FHAD1: variants seen among roughly 807,000 people sequenced by gnomAD.
FHAD1 encodes forkhead-associated domain-containing protein 1.
A neutral mutation model predicts 191.3 loss-of-function variants in FHAD1; 146 were observed. That is an observed-to-expected ratio of 0.76 (90% CI 0.67 to 0.88). FHAD1 has a LOEUF of 0.88. Ranked by LOEUF, FHAD1 falls within the 40% of genes least tolerant of loss-of-function variation. The pLI is 0.00. For synonymous variants in FHAD1, 616 were observed against 672.3 expected (o/e 0.92, Z 1.29); for missense variants, 1,635 against 1,785.8 (o/e 0.92, Z 1.52).
intron 19 of FHAD1, among the ~76,000 whole-genome samples, chr1:15,350,471 C>T (rs1332555223): frequency 6.6e-6 from 1 of 152,142 alleles, no homozygotes; most frequent in African/African-American, 2.4e-5. Context: ...AGGAGGTAGA[C>T]GGGGGAGACT....
chr1:15,246,288 G>T (rs1490816857), upstream of FHAD1, among the ~76,000 whole-genome samples: 1 of 152,176 alleles, frequency 6.6e-6, no homozygotes, highest in African/African-American at 2.4e-5. Context: ...AACACGTGGG[G>T]AGTGCAATTC....
At position 15,382,186 on chromosome 1, in the gene FHAD1, A is replaced by T. The variant is rs1241401113; in HGVS notation, c.4181A>T (p.Gln1394Leu). ...AAGAGGATCAACAGGGCCATCCGGC[A>T]GCAGAAGGTGAGGCGCTGCTGCCCA... The part of the protein sequence containing the change: ...QEKRINRAIR[Q>L]QKESVEEHEL... Residue 1394 changes from glutamine (Q) to leucine (L), a missense_variant, in exon 31 of 34, where the codon CAG (glutamine) becomes CTG (leucine). Coordinates refer to ENST00000688493, the MANE Select transcript of FHAD1 (RefSeq NM_001391957.1). The T allele has an allele frequency of 6.4e-7, 1 of 1,551,048 alleles. No individual in the cohort carries two copies. Among genetic ancestry groups the T allele is most frequent in the Non-Finnish European group, 8.7e-7 (1 of 1,146,982 alleles).
chr1:15,328,935 T>C (rs983287860), intron 13 of FHAD1: 1 of 162,618 alleles, frequency 6.1e-6, no homozygotes, highest in African/African-American at 2.4e-5. Flanking sequence ...CAGCTCCTGT[T>C]TGGGGAGTTT....
chr1:15,313,148 C>G lies in FHAD1; in HGVS notation c.1131C>G (p.Asn377Lys), dbSNP rs766225372. The change falls in exon 8 of 34, where the codon AAC becomes AAG. Residue 377 changes from asparagine to lysine, a missense_variant. Transcript: ENST00000688493. ...KEEVSHLKSQ[N>K]KDKDHQLEAL... is the part of the protein sequence containing the mutation. ...AGGTCAGTCACCTAAAAAGTCAGAA[C>G]AAGGACAAGGACCACCAGCTGGAAG... The G allele has an allele frequency of 6.4e-7, 1 of 1,551,964 alleles. No individual in the cohort carries two copies.
At chr1:15,360,180 T>G (rs959201415) in intron 21 of FHAD1, among the ~76,000 whole-genome samples, 1 of 152,002 alleles carries the variant, frequency 6.6e-6, no homozygotes, top group Non-Finnish European at 1.5e-5. Context: ...GAAACAAAAT[T>G]AAAGGCTTCA....
At chr1:15,251,673 A>C in intron 1 of FHAD1, 98 bp from the exon 2 acceptor site, 2 of 926,230 alleles carry the variant, frequency 2.2e-6, no homozygotes, top group Non-Finnish European at 3.3e-6. Flanking sequence ...CACTTTGGAC[A>C]TGACTCTGTG....
Position 15,358,158 on chromosome 1 carries a change from A to G in FHAD1, c.2611A>G (p.Ser871Gly). 6.6e-7 allele frequency: 1 copy of G among 1,521,814 alleles called. No homozygotes were observed. The highest frequency in any genetic ancestry group is 1.3e-5 in the South Asian group (1 of 77,676). 94.3% of individuals were successfully genotyped at this position (1,521,814 alleles called of 1,614,324 possible). The change falls in exon 21 of 34, where the codon AGT becomes GGT. Residue 871 changes from serine to glycine, a missense_variant. By Grantham distance (56) the Ser-to-Gly change is moderately conservative. Coordinates refer to ENST00000688493, the MANE Select transcript of FHAD1 (RefSeq NM_001391957.1). The stretch of plus-strand genomic sequence containing the variant: ...AGAGGACGTTTTAAATAATAAATTA[A>G]GTGACGCACTGGCCATGGTTGAAGA... ...QKEDVLNNKL[S>G]DALAMVEETQ...
At chr1:15,364,588 C>T (rs189739005) in intron 23 of FHAD1, among the ~76,000 whole-genome samples, 278 of 151,766 alleles carry the variant, frequency 1.8e-3, no homozygotes, top group African/African-American at 6.3e-3. Flanking sequence ...CCAGCCTGGG[C>T]GACAGAGCAA....
Position 15,288,419 on chromosome 1 carries a change from C to T in FHAD1, c.301-980C>T, listed in dbSNP as rs80299591. On this transcript the variant is annotated intron_variant, in intron 3 of 33. Transcript: ENST00000688493. ...CTGAAAGCAGCTGGAGCATCTTCCC[C>T]GGGGCCTCTGCCAGAATCAGCTGTG... 9.7e-3 allele frequency among the ~76,000 whole-genome samples: 1,477 copies of T among 152,356 alleles called. 26 individuals are homozygous for T. The highest frequency in any genetic ancestry group is 0.034 in the African/African-American group (1,399 of 41,582).
rs76267560 is a variant in FHAD1 at position 15,340,650 on chromosome 1, C to G, written c.1978-1086C>G. Among the ~76,000 whole-genome samples the G allele has an allele frequency of 5.5e-3, 838 of 152,250 alleles. 10 individuals carry two copies. The highest frequency in any genetic ancestry group is 0.019 in the African/African-American group (804 of 41,554). On this transcript the variant is annotated intron_variant, in intron 15 of 33. Transcript: ENST00000688493. ...TCTGGAGGCAAAATATGGGCGGGCA[C>G]TGCAAGTTACATAGCCCTAGACATG...
At chr1:15,385,979 A>G (rs1702007466) in intron 31 of FHAD1, among the ~76,000 whole-genome samples, 1 of 152,178 alleles carries the variant, frequency 6.6e-6, no homozygotes, top group African/African-American at 2.4e-5. Flanking sequence ...GCTGTGCCCA[A>G]TCTAGTCCAC....
At chr1:15,286,156 G>A (rs1311993551) in intron 3 of FHAD1, among the ~76,000 whole-genome samples, 1 of 152,164 alleles carries the variant, frequency 6.6e-6, no homozygotes, top group Non-Finnish European at 1.5e-5. Flanking sequence ...ATACTGAACT[G>A]TACACCTAAA....
upstream of FHAD1, among the ~76,000 whole-genome samples, chr1:15,244,051 AT>A (rs60249162): frequency 0.24 from 35,124 of 148,956 alleles, 4,302 homozygotes; most frequent in Middle Eastern, 0.31. The surrounding 1 kb of genome is among the most constrained non-coding windows in gnomAD (Gnocchi z 5.1). Context: ...AGAAACATCT[AT>A]TTTTTTTTTT....
At position 15,374,546 on chromosome 1, in the gene FHAD1, G is replaced by A. The variant is rs141327331; in HGVS notation, c.3492G>A (p.Arg1164=). Residue 1164 remains arginine (R), a synonymous_variant, in exon 27 of 34, where the codon CGG becomes CGA. Coordinates refer to ENST00000688493, the MANE Select transcript of FHAD1 (RefSeq NM_001391957.1). ...TAGGGGTCAGGTGCAAAGGGTCCCGGCACGAGGAGGTCATTCAGCGTCAGA... is the reference window on the plus strand; with the variant it reads ...TAGGGGTCAGGTGCAAAGGGTCCCGACACGAGGAGGTCATTCAGCGTCAGA... The part of the protein sequence containing the change: ...SDLGVRCKGS[R]HEEVIQRQKK... 477 of 1,551,750 alleles carry A rather than the reference G, an allele frequency of 3.1e-4. No individual in the cohort carries two copies. The African/African-American group carries it at 5.7e-3, about 19-fold the overall frequency.
At chr1:15,302,120 C>T (rs1249096954) in intron 6 of FHAD1, among the ~76,000 whole-genome samples, 4 of 152,192 alleles carry the variant, frequency 2.6e-5, no homozygotes, top group African/African-American at 7.2e-5. Context: ...AACTCAGGTC[C>T]GCCTTCTCGC....
At chr1:15,246,530 G>T (rs543529879), upstream of FHAD1, among the ~76,000 whole-genome samples, 1 of 145,238 alleles carries the variant, frequency 6.9e-6, no homozygotes, top group Non-Finnish European at 1.5e-5. Context: ...ACTCCATCCC[G>T]CGAGTCCTGT....
At chr1:15,293,584 GGC>G (rs1364682292) in intron 4 of FHAD1, among the ~76,000 whole-genome samples, 3 of 152,122 alleles carry the variant, frequency 2.0e-5, no homozygotes, top group Admixed American at 6.5e-5. Flanking sequence ...TGGGTGTGGT[GGC>G]ACGCACCTGT....
intron 33 of FHAD1, among the ~76,000 whole-genome samples, chr1:15,391,470 G>A (rs1475088644): frequency 1.3e-5 from 2 of 152,100 alleles, no homozygotes; most frequent in African/African-American, 4.8e-5. Flanking sequence ...TGGGATTACA[G>A]GAGTGAGCCA....
chr1:15,308,767 C>T (rs1671344763), intron 7 of FHAD1, 31 bp downstream of exon 7: 10 of 1,550,940 alleles, frequency 6.4e-6, no homozygotes, highest in Non-Finnish European at 7.8e-6. Context: ...CTGGGAGCTG[C>T]CACTCCCGCA....
Sources: gnomAD v4.1 joint callset for allele counts (sites outside exome capture counted in the v4.1 genomes callset) on GRCh38, gnomAD v4.1.1 for gene constraint, Gnocchi (gnomAD v3.1) non-coding constraint, MANE v1.5 for transcripts, NCBI Gene and HGNC (gene_info 2026-07-23, HGNC 2026-07-21) for gene names.